The following CLCN3 variants were observed in gnomAD, a reference collection of about 807,000 sequenced individuals.
CLCN3 encodes the protein Cl-/H+ antiporter 3.
In CLCN3, 16 loss-of-function variants were observed where a neutral mutation model predicts 83.4. That is an observed-to-expected ratio of 0.19 (90% CI 0.13 to 0.29). The LOEUF (loss-of-function observed/expected upper bound fraction) is 0.29, where lower values mean the gene tolerates loss of function less well. Among genes scored for constraint, CLCN3 ranks in the 10% least tolerant of loss-of-function variants. The probability of loss-of-function intolerance (pLI) is 1.00; values close to 1 mark genes in which losing one functional copy is unlikely to be tolerated. For synonymous variants in CLCN3, 322 were observed against 346.2 expected (o/e 0.93, Z 0.78); for missense variants, 544 against 1,006.0 (o/e 0.54, Z 6.21).
At chr4:169,628,518 A>C (rs1483974471) in intron 1 of CLCN3, among the ~76,000 whole-genome samples, 1 of 152,234 alleles carries the variant, frequency 6.6e-6, no homozygotes, top group Non-Finnish European at 1.5e-5. Context: ...ACTGAAGAGG[A>C]TTACACATAT....
intron 12 of CLCN3, among the ~76,000 whole-genome samples, chr4:169,716,752 C>A (rs1254607844): frequency 6.6e-6 from 1 of 152,034 alleles, no homozygotes; most frequent in African/African-American, 2.4e-5. Flanking sequence ...CCACCCCAGC[C>A]ATCAAGCTAA....
At chr4:169,707,390 A>G (rs1666474260) in intron 11 of CLCN3, 124 bp downstream of exon 11, 1 of 623,014 alleles carries the variant, frequency 1.6e-6, no homozygotes, top group Non-Finnish European at 2.6e-6. Flanking sequence ...TATGTCCCTT[A>G]AAATCTTCTG....
Position 169,692,140 on chromosome 4 carries a change from C to T in CLCN3, c.756C>T (p.Ile252=), listed in dbSNP as rs751531105. The T allele has an allele frequency of 6.2e-7, 1 of 1,604,780 alleles. No homozygotes were observed. Among genetic ancestry groups the T allele is most frequent in the Non-Finnish European group, 8.5e-7 (1 of 1,172,050 alleles). Residue 252 remains isoleucine (I), a synonymous_variant, in exon 7 of 13, where the codon ATC becomes ATT. Coordinates refer to ENST00000513761, the MANE Select transcript of CLCN3 (RefSeq NM_001829.4). ...PEIKTILSGF[I]IRGYLGKWTL... is the part of the protein sequence containing the mutation. ...TTAAAACTATTTTAAGTGGATTCAT[C>T]ATCAGAGGTTACTTGGGAAAATGGA... is the stretch of plus-strand genomic sequence containing the variant.
Position 169,697,727 on chromosome 4 carries a change from G to T in CLCN3, c.1556G>T (p.Gly519Val), listed in dbSNP as rs1732621392. 6.2e-7 allele frequency: 1 copy of T among 1,603,304 alleles called. No individual in the cohort carries two copies. Among genetic ancestry groups the T allele is most frequent in the Non-Finnish European group, 8.5e-7 (1 of 1,175,386 alleles). Reference sequence around the variant, plus strand: ...ATCATAATGACAGTATTCACTTTTGGCATCAAGGTAAGTGCTAATGTGAGG... The same window carrying T: ...ATCATAATGACAGTATTCACTTTTGTCATCAAGGTAAGTGCTAATGTGAGG... ...FKIIMTVFTFGIKVPSGLFIP... is the reference protein window; with the variant it reads ...FKIIMTVFTFVIKVPSGLFIP... Residue 519 changes from glycine (G) to valine (V), a missense_variant, in exon 9 of 13, where the codon GGC (glycine) becomes GTC (valine). Gly to Val is a moderately radical substitution (Grantham distance 109). This residue lies in a region of CLCN3 where 194 missense variants were observed against 341.4 expected (regional missense o/e 0.57). Transcript: ENST00000513761.
At chr4:169,621,807 T>C (rs1685330874) in intron 1 of CLCN3, among the ~76,000 whole-genome samples, 1 of 152,232 alleles carries the variant, frequency 6.6e-6, no homozygotes, top group South Asian at 2.1e-4. Flanking sequence ...TAGAAGATTT[T>C]TTTTTATGAG....
intron 1 of CLCN3, among the ~76,000 whole-genome samples, chr4:169,635,437 A>G (rs1473927232): frequency 1.3e-5 from 2 of 152,174 alleles, no homozygotes; most frequent in African/African-American, 4.8e-5. Context: ...TTTAAATTTT[A>G]AAAGGATGAA....
rs1560880375 is a variant in CLCN3, at chr4:169,720,281, A to T, written c.*284A>T. ...GTTCTGCACTGGATGCATTCAGCTGAGGATGTGCCTGATAGTGCAGGCTTG... is the reference window on the plus strand; with the variant it reads ...GTTCTGCACTGGATGCATTCAGCTGTGGATGTGCCTGATAGTGCAGGCTTG... On this transcript the variant is annotated 3_prime_UTR_variant, in exon 13 of 13. Coordinates refer to ENST00000513761, the MANE Select transcript of CLCN3 (RefSeq NM_001829.4). The T allele has an allele frequency of 2.1e-6, 1 of 482,568 alleles. No homozygotes were observed. The allele number at this position is 482,568 out of a possible 1,614,324, so 29.9% of individuals were successfully genotyped here. A position where few individuals can be genotyped will look rare whatever the true frequency, so the allele number is the denominator to read the frequency against.
intron 2 of CLCN3, among the ~76,000 whole-genome samples, chr4:169,651,007 G>A (rs1303408429): frequency 6.6e-6 from 1 of 152,060 alleles, no homozygotes; most frequent in African/African-American, 2.4e-5. Flanking sequence ...TAATAAACTG[G>A]TGCCTTGATA....
intron 11 of CLCN3, among the ~76,000 whole-genome samples, chr4:169,711,253 G>A (rs1363899757): frequency 6.6e-6 from 1 of 152,174 alleles, no homozygotes; most frequent in Admixed American, 6.5e-5. Context: ...CTATTCAGTT[G>A]TCAGACACCA....
rs1733589463 is a variant in CLCN3 at position 169,720,357 on chromosome 4, C to T, written c.*360C>T. ...TCCTCGAGCACCTGGCCTGTTGCTCCAACATTGCAAAGACACATTATCAGT... is the reference window on the plus strand; with the variant it reads ...TCCTCGAGCACCTGGCCTGTTGCTCTAACATTGCAAAGACACATTATCAGT... On this transcript the variant is annotated 3_prime_UTR_variant, in exon 13 of 13. Coordinates refer to ENST00000513761, the MANE Select transcript of CLCN3 (RefSeq NM_001829.4). 3.8e-6 allele frequency: 1 copy of T among 265,430 alleles called. No homozygotes were observed. The allele number at this position is 265,430 out of a possible 1,614,324, so 16.4% of individuals were successfully genotyped here. A position where few individuals can be genotyped will look rare whatever the true frequency, so the allele number is the denominator to read the frequency against.
At chr4:169,699,774 C>G (rs1373043878) in intron 9 of CLCN3, among the ~76,000 whole-genome samples, 2 of 151,894 alleles carry the variant, frequency 1.3e-5, no homozygotes, top group Non-Finnish European at 2.9e-5. Context: ...CCCGGCTACT[C>G]GAGAGGCTGA....
chr4:169,692,068 C>CA (rs775320739), intron 6 of CLCN3, 46 bp from the exon 7 acceptor site: 32 of 1,193,626 alleles, frequency 2.7e-5, no homozygotes, highest in Non-Finnish European at 3.6e-5. Flanking sequence ...GTTACATTCT[C>CA]ATGTTTCTTA....
At chr4:169,677,152 TTATAA>T (rs1260244160) in intron 2 of CLCN3, among the ~76,000 whole-genome samples, 1 of 151,914 alleles carries the variant, frequency 6.6e-6, no homozygotes, top group Non-Finnish European at 1.5e-5. Flanking sequence ...TATAAAAATA[TTATAA>T]TATATTGCAC....
chr4:169,694,235 G>GC (rs1261960482), intron 7 of CLCN3, among the ~76,000 whole-genome samples: 1 of 152,050 alleles, frequency 6.6e-6, no homozygotes, highest in East Asian at 1.9e-4. Flanking sequence ...ATTTACTGGT[G>GC]CCAGGCACTG....
At chr4:169,659,680 G>A (rs1730984958) in intron 2 of CLCN3, among the ~76,000 whole-genome samples, 1 of 151,996 alleles carries the variant, frequency 6.6e-6, no homozygotes, top group East Asian at 1.9e-4. Context: ...TCAGTTATTC[G>A]GTTTTTAAAT....
intron 10 of CLCN3, among the ~76,000 whole-genome samples, chr4:169,706,173 C>CAT (rs1732987137): frequency 6.6e-6 from 1 of 151,948 alleles, no homozygotes; most frequent in Admixed American, 6.6e-5. Flanking sequence ...GGACCACAGA[C>CAT]ATACACCACC....
At chr4:169,679,991 C>T in intron 2 of CLCN3, 59 bp from the exon 3 acceptor site, 1 of 1,300,402 alleles carries the variant, frequency 7.7e-7, no homozygotes, top group Non-Finnish European at 1.1e-6. Flanking sequence ...CTAAGAAGGT[C>T]ACTTAGCTCA....
chr4:169,696,045 A>T (rs1360287061), intron 8 of CLCN3, among the ~76,000 whole-genome samples: 1 of 152,084 alleles, frequency 6.6e-6, no homozygotes, highest in Non-Finnish European at 1.5e-5. Flanking sequence ...GAATTTCACC[A>T]TGTTGGCCAG....
At chr4:169,714,584 T>G (rs1209281258) in intron 12 of CLCN3, among the ~76,000 whole-genome samples, 3 of 152,126 alleles carry the variant, frequency 2.0e-5, no homozygotes, top group Non-Finnish European at 4.4e-5. Context: ...CTTGCTACTA[T>G]TTTGCACTGT....
Sources: gnomAD v4.1 joint callset for allele counts (sites outside exome capture counted in the v4.1 genomes callset) on GRCh38, gnomAD v4.1.1 for gene constraint, gnomAD v4.1.1 regional missense constraint, MANE v1.5 for transcripts, NCBI Gene and HGNC (gene_info 2026-07-23, HGNC 2026-07-21) for gene names.